NFIL3: variants seen among roughly 807,000 people sequenced by gnomAD.
NFIL3 encodes the protein nuclear factor interleukin-3-regulated protein.
NFIL3 carries 5 observed loss-of-function variants against 10.0 expected under a neutral mutation model. The ratio of observed to expected loss-of-function variants is 0.50; its 90% CI spans 0.26 to 1.06. The LOEUF is 1.06. NFIL3 is among the 50% of genes least tolerant of loss of function. The pLI, the probability that NFIL3 is intolerant of heterozygous loss-of-function variation, is 0.13. For synonymous variants in NFIL3, 202 were observed against 206.5 expected (o/e 0.98, Z 0.19); for missense variants, 436 against 547.6 (o/e 0.80, Z 2.03).
the NFIL3 span, among the ~76,000 whole-genome samples, chr9:91,465,423 T>A: frequency 6.6e-6 from 1 of 152,304 alleles, no homozygotes; most frequent in South Asian, 2.1e-4. Context: ...CAGTGTTTTT[T>A]ACTTCTAGAA....
rs150185988 is a variant in NFIL3, at chr9:91,421,028, C to A, written c.-173+2612G>T. 2.6e-3 allele frequency among the ~76,000 whole-genome samples: 392 copies of A among 152,228 alleles called. 12 individuals carry two copies. The East Asian group carries it at 0.065, about 25-fold the overall frequency. ...GGCCGGTGGACGTTTGGAGGTTTTT[C>A]TTAAGGTCTTTTTCACTTCAAGAAT... On this transcript the variant is annotated intron_variant, in intron 1 of 1. Coordinates refer to ENST00000297689, the MANE Select transcript of NFIL3 (RefSeq NM_005384.3).
chr9:91,455,770 T>C, the NFIL3 span, among the ~76,000 whole-genome samples: 292 of 152,334 alleles, frequency 1.9e-3, 2 homozygotes, highest in African/African-American at 6.6e-3. Flanking sequence ...AACCCATTTA[T>C]GCCTAATATC....
chr9:91,432,400 A>G, the NFIL3 span, among the ~76,000 whole-genome samples: 1 of 152,174 alleles, frequency 6.6e-6, no homozygotes. Context: ...CCTCCCAAGA[A>G]AGGCTTAGCA....
At chr9:91,431,081 T>C in the NFIL3 span, among the ~76,000 whole-genome samples, 1 of 152,220 alleles carries the variant, frequency 6.6e-6, no homozygotes, top group Non-Finnish European at 1.5e-5. Context: ...ACCCAGGTTT[T>C]GCAAAGTCGG....
the NFIL3 span, among the ~76,000 whole-genome samples, chr9:91,448,939 T>C: frequency 1.4e-3 from 212 of 152,336 alleles, no homozygotes; most frequent in African/African-American, 4.8e-3. Flanking sequence ...TACAAGTCTT[T>C]CACCTTCTTA....
At chr9:91,479,119 G>A in the NFIL3 span, among the ~76,000 whole-genome samples, 3 of 152,204 alleles carry the variant, frequency 2.0e-5, no homozygotes, top group African/African-American at 7.2e-5. Context: ...GGAGGCACAG[G>A]GGTCAGGGGC....
At chr9:91,430,917 T>G in the NFIL3 span, among the ~76,000 whole-genome samples, 1 of 152,210 alleles carries the variant, frequency 6.6e-6, no homozygotes, top group African/African-American at 2.4e-5. Flanking sequence ...AGTGCTGGGA[T>G]TATGACCAAA....
At position 91,411,000 on chromosome 9, in the gene NFIL3, T is replaced by C. The variant is rs1177365568; in HGVS notation, c.-172-94A>G. 2 of 454,734 alleles carry C rather than the reference T, an allele frequency of 4.4e-6. No individual in the cohort carries two copies. Among genetic ancestry groups the C allele is most frequent in the East Asian group, 3.3e-5 (1 of 29,992 alleles). The allele number at this position is 454,734 out of a possible 1,614,324, so 28.2% of individuals were successfully genotyped here. ...GGAAATATGCTAAGCATTTAGGGCATACAAGCACAGATGAGGCATGGCCAC... is the reference window on the plus strand; with the variant it reads ...GGAAATATGCTAAGCATTTAGGGCACACAAGCACAGATGAGGCATGGCCAC... On this transcript the variant is annotated intron_variant, in intron 1 of 1. Transcript: ENST00000297689. The surrounding 1 kb of genome is among the most constrained non-coding windows in gnomAD (Gnocchi z 5.7).
At chr9:91,453,988 C>A in the NFIL3 span, among the ~76,000 whole-genome samples, 1 of 151,814 alleles carries the variant, frequency 6.6e-6, no homozygotes, top group Non-Finnish European at 1.5e-5. Context: ...AGTCCCAGCA[C>A]TTTGGGAGGC....
the NFIL3 span, among the ~76,000 whole-genome samples, chr9:91,457,407 G>A: frequency 6.6e-6 from 1 of 151,786 alleles, no homozygotes; most frequent in African/African-American, 2.4e-5. Context: ...TATTTCTTCT[G>A]CACTTTCTCT....
chr9:91,445,957 C>T, the NFIL3 span, among the ~76,000 whole-genome samples: 3 of 151,622 alleles, frequency 2.0e-5, no homozygotes, highest in Admixed American at 2.0e-4. Flanking sequence ...GGTGCAATGG[C>T]TACTCATCCC....
At chr9:91,417,480 T>C (rs1833678039) in intron 1 of NFIL3, among the ~76,000 whole-genome samples, 1 of 152,234 alleles carries the variant, frequency 6.6e-6, no homozygotes, top group African/African-American at 2.4e-5. Context: ...ATTTTCTTCC[T>C]GTGGGTAAAA....
At chr9:91,443,808 C>T in the NFIL3 span, among the ~76,000 whole-genome samples, 105 of 152,330 alleles carry the variant, frequency 6.9e-4, no homozygotes, top group African/African-American at 2.4e-3. Flanking sequence ...CAGCCCGAGC[C>T]GCACCTCCCC....
In NFIL3 at chr9:91,410,312, G is replaced by A. The variant is rs1833521135; in HGVS notation, c.423C>T (p.Leu141=). Residue 141 remains leucine, a synonymous_variant, in exon 2 of 2, where the codon CTC becomes CTT. Transcript: ENST00000297689. The surrounding 1 kb of genome is among the most constrained non-coding windows in gnomAD (Gnocchi z 5.7). The part of the protein sequence containing the change: ...STAYAQEIQK[L]SNSTAVYFQD... The stretch of plus-strand genomic sequence containing the variant: ...GAAAGTACACAGCTGTAGAATTACT[G>A]AGTTTCTGAATCTCTTGAGCATATG... The A allele has an allele frequency of 6.2e-7, 1 of 1,614,190 alleles. No individual in the cohort carries two copies. Among genetic ancestry groups the A allele is most frequent in the Non-Finnish European group, 8.5e-7 (1 of 1,180,042 alleles).
the NFIL3 span, among the ~76,000 whole-genome samples, chr9:91,466,726 A>T: frequency 6.6e-6 from 1 of 152,140 alleles, no homozygotes; most frequent in South Asian, 2.1e-4. Context: ...GAAGTATGAC[A>T]TTGTTATTGT....
At chr9:91,423,951 C>CGGCAGGGGCG (rs1833826237), upstream of NFIL3, 1 of 145,192 alleles carries the variant, frequency 6.9e-6, no homozygotes, top group African/African-American at 2.5e-5. Context: ...TGGCCGCGGC[C>CGGCAGGGGCG]GGCAGGGGCG....
At chr9:91,465,944 T>C in the NFIL3 span, among the ~76,000 whole-genome samples, 3 of 152,030 alleles carry the variant, frequency 2.0e-5, no homozygotes. Context: ...GTTATTATAC[T>C]ACAGCCCTGT....
At chr9:91,419,686 C>T (rs906419862) in intron 1 of NFIL3, among the ~76,000 whole-genome samples, 7 of 152,312 alleles carry the variant, frequency 4.6e-5, no homozygotes, top group Middle Eastern at 6.8e-3. Flanking sequence ...CAACACTGTG[C>T]CTGGCACATG....
the NFIL3 span, among the ~76,000 whole-genome samples, chr9:91,440,519 C>A: frequency 3.3e-5 from 5 of 151,742 alleles, no homozygotes; most frequent in African/African-American, 9.7e-5. Flanking sequence ...CTATTCTGAT[C>A]TTTATTGTTT....
Sources: gnomAD v4.1 joint callset for allele counts (sites outside exome capture counted in the v4.1 genomes callset) on GRCh38, gnomAD v4.1.1 for gene constraint, Gnocchi (gnomAD v3.1) non-coding constraint, MANE v1.5 for transcripts, NCBI Gene and HGNC (gene_info 2026-07-23, HGNC 2026-07-21) for gene names.